EPHA5: variants seen among roughly 807,000 people sequenced by gnomAD.
EPHA5 encodes EPH receptor A5.
Under a neutral mutation model 105.0 loss-of-function variants are expected in EPHA5, and 60 were observed. The ratio of observed to expected loss-of-function variants is 0.57; its 90% confidence interval spans 0.46 to 0.71. EPHA5 has a LOEUF of 0.71. Among genes scored for constraint, EPHA5 ranks in the 30% least tolerant of loss-of-function variants. The pLI is 0.00. For synonymous variants in EPHA5, 513 were observed against 449.1 expected, an observed-to-expected ratio of 1.14 and a Z score of -1.80; for missense variants, 1,218 against 1,274.7, an observed-to-expected ratio of 0.96 and a Z score of 0.68.
At chr4:65,434,072 A>T (rs929691692) in intron 5 of EPHA5, among the ~76,000 whole-genome samples, 5 of 151,832 alleles carry the variant, frequency 3.3e-5, no homozygotes, top group African/African-American at 1.2e-4. Context: ...TAAAAAAATT[A>T]AAAAATAGCA....
chr4:65,657,847 A>G (rs570177465), intron 1 of EPHA5, among the ~76,000 whole-genome samples: 1 of 150,422 alleles, frequency 6.6e-6, no homozygotes, highest in African/African-American at 2.4e-5. Context: ...GTGGCACTCA[A>G]TGAGTTTACA....
At chr4:65,616,906 T>C (rs1370444075) in intron 2 of EPHA5, among the ~76,000 whole-genome samples, 2 of 152,094 alleles carry the variant, frequency 1.3e-5, no homozygotes, top group Non-Finnish European at 2.9e-5. Flanking sequence ...TTTATCTATT[T>C]GCAAGATATT....
chr4:65,520,593 C>A (rs938107708), intron 3 of EPHA5, among the ~76,000 whole-genome samples: 5 of 152,016 alleles, frequency 3.3e-5, no homozygotes, highest in Non-Finnish European at 7.4e-5. Context: ...AACAGGCAAC[C>A]TACAGAATGG....
intron 3 of EPHA5, among the ~76,000 whole-genome samples, chr4:65,558,594 C>A (rs1039285595): frequency 6.6e-6 from 1 of 151,922 alleles, no homozygotes; most frequent in Non-Finnish European, 1.5e-5. Flanking sequence ...GCACAACGTG[C>A]AGGTTAGTTA....
intron 5 of EPHA5, among the ~76,000 whole-genome samples, chr4:65,429,119 C>T (rs1467332154): frequency 6.6e-6 from 1 of 151,984 alleles, no homozygotes; most frequent in African/African-American, 2.4e-5. Flanking sequence ...TTAATAACCA[C>T]AATCCCCATT....
At chr4:65,339,325 A>C (rs1345380173) in intron 14 of EPHA5, among the ~76,000 whole-genome samples, 4 of 152,132 alleles carry the variant, frequency 2.6e-5, no homozygotes, top group Non-Finnish European at 5.9e-5. Flanking sequence ...GGCTTTATTC[A>C]CAAACACAGA....
chr4:65,482,979 T>G lies in EPHA5; in HGVS notation c.1402+7398A>C, dbSNP rs1436344625. On this transcript the variant is annotated intron_variant, in intron 5 of 16. Coordinates refer to ENST00000613740, the MANE Select transcript of EPHA5 (RefSeq NM_001281766.3). ...GCACCCATTGACTCGTCATTTACATTAGGTATATCTCCTAATGCTATCCCT... is the reference window on the plus strand; with the variant it reads ...GCACCCATTGACTCGTCATTTACATGAGGTATATCTCCTAATGCTATCCCT... Among the ~76,000 whole-genome samples, 3 of 152,222 alleles carry G rather than the reference T, an allele frequency of 2.0e-5. No homozygotes were observed. In the East Asian group the frequency reaches 5.8e-4, roughly 30 times the overall value.
intron 3 of EPHA5, among the ~76,000 whole-genome samples, chr4:65,516,745 T>G (rs1419261795): frequency 7.2e-5 from 11 of 152,140 alleles, no homozygotes; most frequent in Non-Finnish European, 1.5e-4. Flanking sequence ...TCTATTTGCC[T>G]TTTATTTCTC....
At chr4:65,545,580 A>G (rs972613994) in intron 3 of EPHA5, among the ~76,000 whole-genome samples, 1 of 151,972 alleles carries the variant, frequency 6.6e-6, no homozygotes, top group Non-Finnish European at 1.5e-5. Flanking sequence ...AATTGACATA[A>G]TAGGACACAG....
chr4:65,588,671 A>G (rs1560739574), intron 3 of EPHA5, among the ~76,000 whole-genome samples: 1 of 152,136 alleles, frequency 6.6e-6, no homozygotes, highest in Non-Finnish European at 1.5e-5. Flanking sequence ...CATATATTTA[A>G]TCATTAACAA....
At chr4:65,362,495 G>A (rs753833930) in intron 11 of EPHA5, among the ~76,000 whole-genome samples, 5 of 151,656 alleles carry the variant, frequency 3.3e-5, no homozygotes, top group Non-Finnish European at 5.9e-5. Context: ...AAAAGTAAAA[G>A]CAAATAAATA....
Position 65,321,005 on chromosome 4 carries a change from G to A in EPHA5, c.*3109C>T, listed in dbSNP as rs1719597375. 4.3e-6 allele frequency: 1 copy of A among 230,136 alleles called. No individual in the cohort carries two copies. The highest frequency in any genetic ancestry group is 5.7e-5 in the Admixed American group (1 of 17,580). The allele number at this position is 230,136 out of a possible 1,614,324, so 14.3% of individuals were successfully genotyped here. On this transcript the variant is annotated 3_prime_UTR_variant, in exon 17 of 17. Coordinates refer to ENST00000613740, the MANE Select transcript of EPHA5 (RefSeq NM_001281766.3). ...ATCTTTACATCTTTACATAGAAATA[G>A]TACATTATGAAAAGAGCAACTGGTT...
intron 7 of EPHA5, among the ~76,000 whole-genome samples, chr4:65,410,351 T>G (rs1305271166): frequency 6.6e-6 from 1 of 152,222 alleles, no homozygotes; most frequent in African/African-American, 2.4e-5. Context: ...TTATAAAACA[T>G]TTTTGAAATT....
Position 65,322,738 on chromosome 4 carries a change from G to A in EPHA5, c.*1376C>T, listed in dbSNP as rs975455911. On this transcript the variant is annotated 3_prime_UTR_variant, in exon 17 of 17. Transcript: ENST00000613740. Reference sequence around the variant, plus strand: ...AAAGCCATGTAACTGAATACAAACTGAAATTAACAAATGAATAAACATCCA... The same window carrying A: ...AAAGCCATGTAACTGAATACAAACTAAAATTAACAAATGAATAAACATCCA... 1.8e-5 allele frequency: 4 copies of A among 225,966 alleles called. No homozygotes were observed. The highest frequency in any genetic ancestry group is 2.6e-5 in the Non-Finnish European group (3 of 113,664). 14.0% of individuals were successfully genotyped at this position (225,966 alleles called of 1,614,324 possible). A position where few individuals can be genotyped will look rare whatever the true frequency, so the allele number is the denominator to read the frequency against.
At chr4:65,357,880 C>CT in intron 11 of EPHA5, among the ~76,000 whole-genome samples, 1 of 151,290 alleles carries the variant, frequency 6.6e-6, no homozygotes, top group African/African-American at 2.4e-5. Context: ...TATTATGTGA[C>CT]TTTTTTGGTG....
chr4:65,556,782 T>C (rs1440993900), intron 3 of EPHA5, among the ~76,000 whole-genome samples: 2 of 152,130 alleles, frequency 1.3e-5, no homozygotes, highest in Non-Finnish European at 2.9e-5. Flanking sequence ...ACTTTAACCA[T>C]GTAAAATTGC....
At chr4:65,505,519 G>A (rs1732921593) in intron 3 of EPHA5, among the ~76,000 whole-genome samples, 2 of 152,044 alleles carry the variant, frequency 1.3e-5, no homozygotes, top group Non-Finnish European at 1.5e-5. Context: ...AATTTTAAGT[G>A]ATAAAGCTTC....
At chr4:65,559,047 T>A (rs555838482) in intron 3 of EPHA5, among the ~76,000 whole-genome samples, 1 of 152,194 alleles carries the variant, frequency 6.6e-6, no homozygotes, top group South Asian at 2.1e-4. Flanking sequence ...GCCCTGAATC[T>A]AAAATAAAAG....
chr4:65,564,138 C>G (rs181841949), intron 3 of EPHA5, among the ~76,000 whole-genome samples: 47 of 151,918 alleles, frequency 3.1e-4, no homozygotes, highest in African/African-American at 1.1e-3. Flanking sequence ...CATATTTCAC[C>G]CTGTATTTCT....
Sources: gnomAD v4.1 joint callset for allele counts (sites outside exome capture counted in the v4.1 genomes callset) on GRCh38, gnomAD v4.1.1 for gene constraint, MANE v1.5 for transcripts, NCBI Gene and HGNC (gene_info 2026-07-23, HGNC 2026-07-21) for gene names.